RBM46: variants seen among roughly 807,000 people sequenced by gnomAD.
The protein encoded by RBM46 is probable RNA-binding protein 46.
RBM46 carries 12 observed loss-of-function variants against 43.3 expected under a neutral mutation model. The observed-to-expected ratio is 0.28, with a 90% confidence interval of 0.18 to 0.45. The LOEUF (loss-of-function observed/expected upper bound fraction) is 0.45, where lower values mean the gene tolerates loss of function less well. RBM46 is among the 20% of genes least tolerant of loss of function. The pLI is 1.00. For missense variants in RBM46, 412 were observed against 639.1 expected, an observed-to-expected ratio of 0.64 and a Z score of 3.83; for synonymous variants, 205 against 207.6, an observed-to-expected ratio of 0.99 and a Z score of 0.11.
rs1265581423 is a variant in RBM46, at chr4:154,800,684, A to C, written c.1402+1120A>C. ...TTTAGTGATGATTACTTTGTGTCCC[A>C]AATAATATTTATTGGAAGAGTAGTG... is the stretch of plus-strand genomic sequence containing the variant. On this transcript the variant is annotated intron_variant, in intron 4 of 4. Transcript: ENST00000281722. 4.1e-4 allele frequency among the ~76,000 whole-genome samples: 60 copies of C among 146,926 alleles called. No individual in the cohort carries two copies. The Admixed American group carries it at 4.2e-3, about 10-fold the overall frequency.
intron 4 of RBM46, 97 bp from the exon 5 acceptor site, chr4:154,827,771 A>G (rs956007858): frequency 1.3e-6 from 2 of 1,569,562 alleles, no homozygotes; most frequent in Non-Finnish European, 1.7e-6. Flanking sequence ...TTAGAACATT[A>G]TGTTAAAATG....
At chr4:154,808,260 C>T (rs899711742) in intron 4 of RBM46, among the ~76,000 whole-genome samples, 1 of 151,936 alleles carries the variant, frequency 6.6e-6, no homozygotes, top group Non-Finnish European at 1.5e-5. Context: ...TGATATAAAA[C>T]TCCACCTTTT....
At chr4:154,799,664 G>A (rs1734523594) in intron 4 of RBM46, 100 bp downstream of exon 4, 2 of 721,858 alleles carry the variant, frequency 2.8e-6, no homozygotes, top group South Asian at 3.7e-5. Context: ...TTAGTGGTAA[G>A]TATGTAACAT....
chr4:154,828,107 G>A lies in RBM46; in HGVS notation c.*40G>A, dbSNP rs200429578. ...TTAGTATGAAAATTTGTGTAAATTT[G>A]TAGTATGAAAACTTGCAAATTAAAA... On this transcript the variant is annotated 3_prime_UTR_variant, in exon 5 of 5. Coordinates refer to ENST00000281722, the MANE Select transcript of RBM46 (RefSeq NM_144979.5). 7.0e-7 allele frequency: 1 copy of A among 1,425,342 alleles called. No individual in the cohort carries two copies. Among genetic ancestry groups the A allele is most frequent in the African/African-American group, 1.4e-5 (1 of 71,042 alleles). 88.3% of individuals were successfully genotyped at this position (1,425,342 alleles called of 1,614,324 possible). A position where few individuals can be genotyped will look rare whatever the true frequency, so the allele number is the denominator to read the frequency against.
intron 4 of RBM46, among the ~76,000 whole-genome samples, chr4:154,817,383 A>C (rs1459812660): frequency 7.1e-6 from 1 of 140,268 alleles, no homozygotes; most frequent in African/African-American, 2.7e-5. Context: ...CCCAGGCTGG[A>C]GTGCAGTGGC....
chr4:154,792,005 T>C (rs544380473), intron 1 of RBM46, among the ~76,000 whole-genome samples: 5 of 152,272 alleles, frequency 3.3e-5, no homozygotes, highest in African/African-American at 9.6e-5. Context: ...TGGATTCAGG[T>C]ATTTGTGTTG....
At chr4:154,818,987 C>T (rs1471853098) in intron 4 of RBM46, among the ~76,000 whole-genome samples, 1 of 152,012 alleles carries the variant, frequency 6.6e-6, no homozygotes, top group African/African-American at 2.4e-5. Context: ...TTTCAATACT[C>T]AGTTCTGAAA....
intron 4 of RBM46, among the ~76,000 whole-genome samples, chr4:154,816,494 A>G (rs1010864756): frequency 6.6e-6 from 1 of 152,112 alleles, no homozygotes; most frequent in Non-Finnish European, 1.5e-5. Context: ...GTCATCATAA[A>G]AAATAACTTA....
intron 4 of RBM46, among the ~76,000 whole-genome samples, chr4:154,813,207 T>G (rs745327165): frequency 2.0e-5 from 3 of 152,126 alleles, no homozygotes; most frequent in Non-Finnish European, 4.4e-5. Flanking sequence ...GAAAGAAATA[T>G]ATGAGATAGG....
At chr4:154,827,496 G>GT (rs955718562) in intron 4 of RBM46, 5 of 1,009,354 alleles carry the variant, frequency 5.0e-6, no homozygotes, top group African/African-American at 1.7e-5. Flanking sequence ...TGAATTCACT[G>GT]TTTTTTATCT....
intron 1 of RBM46, among the ~76,000 whole-genome samples, chr4:154,782,095 G>A (rs924831150): frequency 6.6e-6 from 1 of 152,082 alleles, no homozygotes; most frequent in Non-Finnish European, 1.5e-5. Context: ...CTGGGCTGTG[G>A]GCAGTGGGAG....
rs1348390739 is a variant in RBM46 at position 154,828,681 on chromosome 4, A to G, written c.*614A>G. ...TGTTGTTAATGTATTTAAGCATTTT[A>G]TAGTTATGCTTTGTGTTTTTGATAT... On this transcript the variant is annotated 3_prime_UTR_variant, in exon 5 of 5. Coordinates refer to ENST00000281722, the MANE Select transcript of RBM46 (RefSeq NM_144979.5). 1.3e-5 allele frequency: 2 copies of G among 152,652 alleles called. No homozygotes were observed. Among genetic ancestry groups the G allele is most frequent in the Admixed American group, 6.5e-5 (1 of 15,276 alleles). The allele number at this position is 152,652 out of a possible 1,614,324, so 9.5% of individuals were successfully genotyped here.
At chr4:154,808,110 C>T (rs1198559276) in intron 4 of RBM46, among the ~76,000 whole-genome samples, 2 of 151,922 alleles carry the variant, frequency 1.3e-5, no homozygotes, top group Admixed American at 6.6e-5. Flanking sequence ...CATCAGAAAA[C>T]ATCAATCTCT....
At chr4:154,825,325 A>G (rs986547459) in intron 4 of RBM46, among the ~76,000 whole-genome samples, 3 of 152,174 alleles carry the variant, frequency 2.0e-5, no homozygotes, top group African/African-American at 7.2e-5. Context: ...ATCTGAGGAA[A>G]ACATGATTGT....
At chr4:154,788,361 A>G (rs1029050357) in intron 1 of RBM46, among the ~76,000 whole-genome samples, 3 of 152,226 alleles carry the variant, frequency 2.0e-5, no homozygotes, top group Middle Eastern at 3.4e-3. Flanking sequence ...ATTAATTTTT[A>G]TATAAGGTGT....
At chr4:154,813,589 T>C (rs1174846227) in intron 4 of RBM46, among the ~76,000 whole-genome samples, 1 of 152,092 alleles carries the variant, frequency 6.6e-6, no homozygotes, top group African/African-American at 2.4e-5. Flanking sequence ...AATCCACAGT[T>C]ATATCTAGCA....
intron 4 of RBM46, among the ~76,000 whole-genome samples, chr4:154,809,910 A>G (rs1322927885): frequency 6.6e-6 from 1 of 152,118 alleles, no homozygotes; most frequent in Non-Finnish European, 1.5e-5. Context: ...AAATAAAGCC[A>G]AGCAAAACCA....
At chr4:154,793,559 G>A (rs977095288) in intron 1 of RBM46, among the ~76,000 whole-genome samples, 2 of 152,198 alleles carry the variant, frequency 1.3e-5, no homozygotes, top group Non-Finnish European at 2.9e-5. Flanking sequence ...GCCAAAGACT[G>A]TGGTGGGTAC....
In RBM46 at chr4:154,824,099, T is replaced by G. The variant is rs542907398; in HGVS notation, c.1403-3769T>G. The stretch of plus-strand genomic sequence containing the variant: ...TCAGAGCAGTTGTTCTCTTTTTTTT[T>G]TTTGTTTTCCACAAAACAACCTTTA... On this transcript the variant is annotated intron_variant, in intron 4 of 4. Coordinates refer to ENST00000281722, the MANE Select transcript of RBM46 (RefSeq NM_144979.5). 2.0e-4 allele frequency among the ~76,000 whole-genome samples: 30 copies of G among 152,066 alleles called. 1 individual carries two copies. Among genetic ancestry groups the G allele is most frequent in the Admixed American group, 8.5e-4 (13 of 15,256 alleles).
Sources: allele counts gnomAD v4.1 joint callset (sites outside exome capture counted in the v4.1 genomes callset), GRCh38; gene constraint gnomAD v4.1.1; transcripts MANE v1.5; gene names NCBI Gene and HGNC (gene_info 2026-07-23, HGNC 2026-07-21).